The following CHLSN variants were observed in gnomAD, a reference collection of about 807,000 sequenced individuals.
CHLSN encodes the protein protein cholesin.
chr7:1,008,265 C>T, the CHLSN span, among the ~76,000 whole-genome samples: 4 of 152,172 alleles, frequency 2.6e-5, no homozygotes, highest in East Asian at 1.9e-4. Context: ...CACCTGGGCT[C>T]GAGACGCTGC....
chr7:1,041,229 G>A, the CHLSN span, among the ~76,000 whole-genome samples: 2 of 145,334 alleles, frequency 1.4e-5, no homozygotes, highest in South Asian at 2.2e-4. Context: ...CCTGGGCTCC[G>A]CGCTGCGGGG....
the CHLSN span, among the ~76,000 whole-genome samples, chr7:1,071,330 T>C: frequency 9.2e-5 from 14 of 152,272 alleles, no homozygotes; most frequent in Non-Finnish European, 1.8e-4. Flanking sequence ...AAACGATGCA[T>C]TGGTGAGTGG....
the CHLSN span, chr7:997,512 T>C: frequency 1.0e-6 from 1 of 962,384 alleles, no homozygotes; most frequent in Non-Finnish European, 1.4e-6. Context: ...TGAAAGCCCT[T>C]GCTCAGCCGC....
chr7:1,017,516 G>A, the CHLSN span, among the ~76,000 whole-genome samples: 5 of 152,202 alleles, frequency 3.3e-5, no homozygotes, highest in Non-Finnish European at 7.4e-5. Context: ...CGCTGCCATC[G>A]GGCCCTTGGG....
chr7:1,122,744 C>T, the CHLSN span, among the ~76,000 whole-genome samples: 1 of 152,268 alleles, frequency 6.6e-6, no homozygotes, highest in East Asian at 1.9e-4. Flanking sequence ...AACAGAACTC[C>T]TAAACCCCAG....
the CHLSN span, chr7:1,057,608 G>T: frequency 1.3e-6 from 1 of 770,004 alleles, no homozygotes; most frequent in Non-Finnish European, 2.4e-6. Context: ...TGTTGTCGCT[G>T]CTGGGCCTGG....
At chr7:1,112,338 G>T in the CHLSN span, among the ~76,000 whole-genome samples, 5 of 152,320 alleles carry the variant, frequency 3.3e-5, no homozygotes, top group Admixed American at 3.3e-4. Flanking sequence ...GATGAGAGAG[G>T]CCGGCCGGGA....
the CHLSN span, among the ~76,000 whole-genome samples, chr7:1,100,998 G>A: frequency 1.3e-5 from 2 of 152,206 alleles, no homozygotes; most frequent in East Asian, 1.9e-4. Context: ...GGCACAGCCC[G>A]TCAGGGAGGC....
At chr7:1,025,326 G>A in the CHLSN span, 2 of 152,520 alleles carry the variant, frequency 1.3e-5, no homozygotes, top group African/African-American at 2.4e-5. Flanking sequence ...GATCCCAAGT[G>A]GGGGGAGGAC....
chr7:1,097,347 G>A, the CHLSN span, among the ~76,000 whole-genome samples: 2 of 152,134 alleles, frequency 1.3e-5, no homozygotes, highest in African/African-American at 2.4e-5. This position sits in a 1 kb window ranked among gnomAD's most constrained non-coding sequence, Gnocchi z 4.3. Context: ...AGAGCACGTC[G>A]GGTGACACCC....
chr7:1,057,807 G>A, the CHLSN span: 4 of 775,912 alleles, frequency 5.2e-6, no homozygotes, highest in East Asian at 7.3e-5. Context: ...GTGGAGTGTG[G>A]GCGGCGAAGT....
At chr7:1,001,551 GA>G in the CHLSN span, among the ~76,000 whole-genome samples, 1 of 135,464 alleles carries the variant, frequency 7.4e-6, no homozygotes. Context: ...TCCTGTGGGT[GA>G]GTGGAGCCCT....
the CHLSN span, among the ~76,000 whole-genome samples, chr7:1,070,904 GCACGCACACACACAGCACGCACAGA>G: frequency 7.3e-6 from 1 of 136,670 alleles, no homozygotes; most frequent in East Asian, 2.2e-4. Context: ...GCACACACAT[GCACGCACACACACAGCACGCACAGA>G]CACGCACACA....
the CHLSN span, chr7:984,445 C>T: frequency 4.5e-6 from 7 of 1,549,328 alleles, no homozygotes; most frequent in African/African-American, 9.6e-5. Flanking sequence ...GTTCACCGTG[C>T]ACCTGGGGCG....
chr7:1,106,543 C>T, the CHLSN span, among the ~76,000 whole-genome samples: 8,446 of 152,238 alleles, frequency 0.055, 314 homozygotes, highest in Non-Finnish European at 0.084. Context: ...GCAGCATAGA[C>T]GGATTGACAC....
At chr7:1,099,065 A>G in the CHLSN span, among the ~76,000 whole-genome samples, 5 of 152,068 alleles carry the variant, frequency 3.3e-5, no homozygotes, top group Non-Finnish European at 7.4e-5. Context: ...CTTCCTTTTC[A>G]GAGCCTCACT....
At chr7:1,135,764 C>G in the CHLSN span, among the ~76,000 whole-genome samples, 1 of 104,142 alleles carries the variant, frequency 9.6e-6, no homozygotes, top group African/African-American at 4.5e-5. Context: ...GACTCCACCT[C>G]AAAAAGAAAT....
the CHLSN span, among the ~76,000 whole-genome samples, chr7:1,020,517 C>T: frequency 1.3e-5 from 2 of 152,226 alleles, no homozygotes; most frequent in Non-Finnish European, 2.9e-5. Context: ...ATATGTCTGG[C>T]GGATACCACA....
the CHLSN span, chr7:1,092,027 A>G: frequency 9.3e-6 from 15 of 1,613,838 alleles, no homozygotes; most frequent in African/African-American, 4.0e-5. Context: ...TACTTCATCA[A>G]CCTGGCGGTG....
Sources: gnomAD v4.1 joint callset for allele counts (sites outside exome capture counted in the v4.1 genomes callset) on GRCh38, gnomAD v4.1.1 for gene constraint, Gnocchi (gnomAD v3.1) non-coding constraint, MANE v1.5 for transcripts, NCBI Gene and HGNC (gene_info 2026-07-23, HGNC 2026-07-21) for gene names.